The following PTPRD variants were observed in gnomAD, a reference collection of about 807,000 sequenced individuals.
PTPRD encodes protein tyrosine phosphatase receptor type D.
A neutral mutation model predicts 214.5 loss-of-function variants in PTPRD; 34 were observed. That is an observed-to-expected ratio of 0.16 (90% CI 0.12 to 0.21). The LOEUF is 0.21. Ranked by LOEUF, PTPRD falls within the 10% of genes least tolerant of loss-of-function variation. PTPRD has a pLI of 1.00. For missense variants in PTPRD, 2,545 were observed against 2,398.7 expected (o/e 1.06, Z -1.27); for synonymous variants, 1,128 against 845.7 (o/e 1.33, Z -5.79).
At chr9:9,065,171 C>A (rs2099724556) in intron 10 of PTPRD, among the ~76,000 whole-genome samples, 2 of 151,976 alleles carry the variant, frequency 1.3e-5, no homozygotes, top group Non-Finnish European at 2.9e-5. Context: ...ACATATTAAG[C>A]AAATTAATTA....
At chr9:9,874,500 A>T (rs968249689) in intron 5 of PTPRD, among the ~76,000 whole-genome samples, 5 of 152,190 alleles carry the variant, frequency 3.3e-5, no homozygotes, top group African/African-American at 1.2e-4. Context: ...ACTTAAATGT[A>T]AGCGTGCCTT....
At chr9:8,967,549 C>A (rs896494429) in intron 11 of PTPRD, among the ~76,000 whole-genome samples, 1 of 151,832 alleles carries the variant, frequency 6.6e-6, no homozygotes, top group East Asian at 1.9e-4. Context: ...AGGCCATTAT[C>A]CTAAGCGAAT....
intron 7 of PTPRD, among the ~76,000 whole-genome samples, chr9:9,709,146 A>G (rs2097680533): frequency 1.3e-5 from 2 of 152,150 alleles, no homozygotes; most frequent in South Asian, 4.1e-4. Context: ...CAAGATTCAA[A>G]TACCAAAACA....
chr9:9,574,341 C>G (rs533385242), intron 8 of PTPRD, among the ~76,000 whole-genome samples: 1 of 152,004 alleles, frequency 6.6e-6, no homozygotes, highest in African/African-American at 2.4e-5. Context: ...CATGGGGAGA[C>G]CCAATTTTGA....
intron 35 of PTPRD, among the ~76,000 whole-genome samples, chr9:8,423,622 G>A (rs1306913366): frequency 6.6e-6 from 1 of 152,118 alleles, no homozygotes; most frequent in South Asian, 2.1e-4. Context: ...AATGAAACTG[G>A]AATCTGACTC....
At chr9:9,857,368 C>T (rs988645207) in intron 5 of PTPRD, among the ~76,000 whole-genome samples, 2 of 152,148 alleles carry the variant, frequency 1.3e-5, no homozygotes, top group Non-Finnish European at 2.9e-5. Context: ...AAGAGAACAA[C>T]AATTCATTGG....
chr9:8,973,955 C>T (rs576698904), intron 11 of PTPRD, among the ~76,000 whole-genome samples: 1 of 152,036 alleles, frequency 6.6e-6, no homozygotes, highest in South Asian at 2.1e-4. Flanking sequence ...AGATTCTAGA[C>T]ATTAGACCTT....
chr9:9,642,631 C>G (rs1249485755), intron 7 of PTPRD, among the ~76,000 whole-genome samples: 2 of 152,108 alleles, frequency 1.3e-5, no homozygotes, highest in Admixed American at 1.3e-4. Flanking sequence ...GAAATAGCAG[C>G]CGGACCCACA....
chr9:9,632,970 T>C (rs1207695822), intron 7 of PTPRD, among the ~76,000 whole-genome samples: 1 of 151,768 alleles, frequency 6.6e-6, no homozygotes, highest in Non-Finnish European at 1.5e-5. Flanking sequence ...TATAGCCAAA[T>C]GGGAAGGTAT....
intron 9 of PTPRD, among the ~76,000 whole-genome samples, chr9:9,211,642 A>G (rs1314064315): frequency 2.0e-5 from 3 of 152,172 alleles, no homozygotes; most frequent in Non-Finnish European, 2.9e-5. Context: ...TATACCAAAG[A>G]GCCTTAATAA....
At chr9:8,331,075 G>A (rs1330781838) in intron 44 of PTPRD, among the ~76,000 whole-genome samples, 1 of 144,986 alleles carries the variant, frequency 6.9e-6, no homozygotes, top group Admixed American at 6.8e-5. Flanking sequence ...TTAACTTGAA[G>A]GTGCTTCATT....
At chr9:9,901,597 C>A (rs2076410030) in intron 5 of PTPRD, among the ~76,000 whole-genome samples, 1 of 152,012 alleles carries the variant, frequency 6.6e-6, no homozygotes, top group South Asian at 2.1e-4. Flanking sequence ...TAAATAAATT[C>A]TTAATAAAAA....
At chr9:9,094,357 G>C (rs140828880) in intron 10 of PTPRD, among the ~76,000 whole-genome samples, 1 of 152,100 alleles carries the variant, frequency 6.6e-6, no homozygotes, top group Non-Finnish European at 1.5e-5. Flanking sequence ...GAACCAAATA[G>C]TGTATTTTGC....
At chr9:9,883,952 A>G (rs2069785327) in intron 5 of PTPRD, among the ~76,000 whole-genome samples, 1 of 152,110 alleles carries the variant, frequency 6.6e-6, no homozygotes, top group Non-Finnish European at 1.5e-5. Context: ...TTCAGTGAGT[A>G]TTTGACATTT....
intron 3 of PTPRD, among the ~76,000 whole-genome samples, chr9:10,207,866 GA>G (rs199960955): frequency 1.3e-5 from 2 of 151,106 alleles, no homozygotes; most frequent in Non-Finnish European, 3.0e-5. Flanking sequence ...AACAACAACA[GA>G]AAAAAAATAA....
intron 3 of PTPRD, among the ~76,000 whole-genome samples, chr9:10,304,410 C>A (rs932776601): frequency 6.6e-6 from 1 of 151,980 alleles, no homozygotes; most frequent in African/African-American, 2.4e-5. Flanking sequence ...AAGTTCTGGC[C>A]GGTGAATCAG....
At chr9:9,099,321 C>T (rs1313530887) in intron 10 of PTPRD, among the ~76,000 whole-genome samples, 1 of 152,142 alleles carries the variant, frequency 6.6e-6, no homozygotes, top group Non-Finnish European at 1.5e-5. Context: ...TAAATATATA[C>T]AGAGAGAATG....
intron 10 of PTPRD, among the ~76,000 whole-genome samples, chr9:9,094,562 G>A (rs1426329984): frequency 2.0e-5 from 3 of 152,078 alleles, no homozygotes; most frequent in African/African-American, 7.2e-5. Context: ...ACACTACATA[G>A]TGGGTACAGT....
chr9:10,445,619 G>C (rs1332015895), intron 2 of PTPRD, among the ~76,000 whole-genome samples: 2 of 152,070 alleles, frequency 1.3e-5, no homozygotes, highest in African/African-American at 4.8e-5. Flanking sequence ...TTGCATGTCT[G>C]GAAGACCAAT....
Sources: gnomAD v4.1 joint callset for allele counts (sites outside exome capture counted in the v4.1 genomes callset) on GRCh38, gnomAD v4.1.1 for gene constraint, MANE v1.5 for transcripts, NCBI Gene and HGNC (gene_info 2026-07-23, HGNC 2026-07-21) for gene names.